CFAP61: variants seen among roughly 807,000 people sequenced by gnomAD.
The protein encoded by CFAP61 is cilia and flagella associated protein 61, also known as cilia- and flagella-associated protein 61.
Under a neutral mutation model 135.6 loss-of-function variants are expected in CFAP61, and 107 were observed. The observed-to-expected ratio is 0.79, with a 90% confidence interval of 0.67 to 0.93. The LOEUF is 0.93. Ranked by LOEUF, CFAP61 falls within the 40% of genes least tolerant of loss-of-function variation. The probability of loss-of-function intolerance (pLI) is 0.00; values close to 1 mark genes in which losing one functional copy is unlikely to be tolerated. For synonymous variants in CFAP61, 575 were observed against 578.5 expected, an observed-to-expected ratio of 0.99 and a Z score of 0.09; for missense variants, 1,507 against 1,556.2, an observed-to-expected ratio of 0.97 and a Z score of 0.53.
At chr20:20,207,379 AGGG>A (rs1483904971) in intron 17 of CFAP61, among the ~76,000 whole-genome samples, 1 of 152,178 alleles carries the variant, frequency 6.6e-6, no homozygotes, top group Non-Finnish European at 1.5e-5. Flanking sequence ...ACAACCCAGT[AGGG>A]GGAAAAAAAA....
chr20:20,320,073 T>G (rs548025369), intron 25 of CFAP61, among the ~76,000 whole-genome samples: 4 of 151,478 alleles, frequency 2.6e-5, no homozygotes, highest in Admixed American at 2.6e-4. Flanking sequence ...AGTGGGAAAC[T>G]ATGTGACAAA....
intron 25 of CFAP61, among the ~76,000 whole-genome samples, chr20:20,315,691 A>G (rs1207920889): frequency 6.6e-6 from 1 of 152,136 alleles, no homozygotes; most frequent in Non-Finnish European, 1.5e-5. Context: ...TAAGTCTTTA[A>G]TCCATCTTGA....
chr20:20,355,225 C>T (rs2122467245), intron 26 of CFAP61, among the ~76,000 whole-genome samples: 2 of 134,872 alleles, frequency 1.5e-5, no homozygotes, highest in African/African-American at 5.8e-5. Context: ...GAGGTGATCA[C>T]ACTAAGGGGA....
At chr20:20,332,831 G>T (rs2058051829) in intron 25 of CFAP61, among the ~76,000 whole-genome samples, 1 of 152,056 alleles carries the variant, frequency 6.6e-6, no homozygotes, top group Non-Finnish European at 1.5e-5. Flanking sequence ...ATGTTGCCCA[G>T]ACTGGTCTCA....
chr20:20,283,837 T>C (rs2054375301), intron 22 of CFAP61, among the ~76,000 whole-genome samples: 1 of 152,236 alleles, frequency 6.6e-6, no homozygotes, highest in Non-Finnish European at 1.5e-5. Context: ...ATCTTACTCA[T>C]GTCAAATTCC....
chr20:20,180,259 G>A (rs2054954817), intron 13 of CFAP61, among the ~76,000 whole-genome samples: 1 of 151,934 alleles, frequency 6.6e-6, no homozygotes, highest in Non-Finnish European at 1.5e-5. Context: ...AACCCGCAAG[G>A]TGGAGCTTGC....
At chr20:20,224,369 A>G (rs1198056482) in intron 17 of CFAP61, among the ~76,000 whole-genome samples, 3 of 152,160 alleles carry the variant, frequency 2.0e-5, no homozygotes, top group African/African-American at 7.2e-5. Context: ...GCAACCCCCA[A>G]GCTCAACTCT....
chr20:20,268,365 G>A (rs2052973323), intron 21 of CFAP61, among the ~76,000 whole-genome samples: 1 of 152,156 alleles, frequency 6.6e-6, no homozygotes, highest in African/African-American at 2.4e-5. Flanking sequence ...CTAGAACAGT[G>A]GATATTGGGC....
chr20:20,145,200 G>C (rs1368010223), intron 9 of CFAP61, among the ~76,000 whole-genome samples: 1 of 152,064 alleles, frequency 6.6e-6, no homozygotes, highest in Non-Finnish European at 1.5e-5. Flanking sequence ...ATAGCGCCGG[G>C]TTTATAACAT....
chr20:20,172,317 A>C (rs950581035), intron 13 of CFAP61: 1 of 895,034 alleles, frequency 1.1e-6, no homozygotes, highest in African/African-American at 3.1e-5. Context: ...GTTTTAATTA[A>C]TAAACTTTTT....
At position 20,298,392 on chromosome 20, in the gene CFAP61, T is replaced by A; in HGVS notation, c.3422+6T>A. 6.2e-7 allele frequency: 1 copy of A among 1,610,214 alleles called. No individual in the cohort carries two copies. Among genetic ancestry groups the A allele is most frequent in the African/African-American group, 1.3e-5 (1 of 74,962 alleles). ...CTGATCACAGATCTCTATAGGTGAG[T>A]TGGACATTGCATTTGACTACAGGGA... is the stretch of plus-strand genomic sequence containing the variant. On this transcript the variant is annotated splice_donor_region_variant and intron_variant, in intron 25 of 26. Transcript: ENST00000245957.
At chr20:20,274,396 C>T (rs1035488247) in intron 21 of CFAP61, among the ~76,000 whole-genome samples, 1 of 152,302 alleles carries the variant, frequency 6.6e-6, no homozygotes, top group South Asian at 2.1e-4. Flanking sequence ...TGCAGAGGCT[C>T]ACGTCTATAA....
intron 25 of CFAP61, among the ~76,000 whole-genome samples, chr20:20,300,489 GT>G (rs1245763457): frequency 6.6e-6 from 1 of 152,114 alleles, no homozygotes; most frequent in Non-Finnish European, 1.5e-5. Context: ...TTGTGCCTCG[GT>G]TTGTAACAGA....
At chr20:20,199,523 T>G (rs2056490870) in intron 16 of CFAP61, among the ~76,000 whole-genome samples, 1 of 152,188 alleles carries the variant, frequency 6.6e-6, no homozygotes. Context: ...ACCAAACCAC[T>G]TGTTTATCTG....
At chr20:20,063,489 A>G (rs912420266) in intron 2 of CFAP61, among the ~76,000 whole-genome samples, 4 of 152,238 alleles carry the variant, frequency 2.6e-5, no homozygotes, top group African/African-American at 9.6e-5. Flanking sequence ...CAAATTAACA[A>G]AGGAGAAAAT....
intron 8 of CFAP61, among the ~76,000 whole-genome samples, chr20:20,121,322 T>C (rs1453710378): frequency 2.0e-5 from 3 of 151,836 alleles, no homozygotes; most frequent in Non-Finnish European, 4.4e-5. Flanking sequence ...TTGTCCAGGC[T>C]GGTCTTGAGC....
intron 23 of CFAP61, among the ~76,000 whole-genome samples, chr20:20,289,381 G>C (rs552449698): frequency 6.6e-6 from 1 of 152,162 alleles, no homozygotes; most frequent in Admixed American, 6.5e-5. Flanking sequence ...CAGCTGTAAA[G>C]CAGTGCACTT....
intron 25 of CFAP61, among the ~76,000 whole-genome samples, chr20:20,325,845 C>A (rs901792377): frequency 6.6e-6 from 1 of 152,174 alleles, no homozygotes; most frequent in African/African-American, 2.4e-5. Flanking sequence ...TGAATGAGAG[C>A]TCCTGTTGTT....
chr20:20,324,246 TA>T (rs996415283), intron 25 of CFAP61, among the ~76,000 whole-genome samples: 4 of 151,524 alleles, frequency 2.6e-5, no homozygotes, highest in Admixed American at 6.6e-5. Flanking sequence ...ACATGGCTGT[TA>T]AAAAAAAATT....
Sources: gnomAD v4.1 joint callset for allele counts (sites outside exome capture counted in the v4.1 genomes callset) on GRCh38, gnomAD v4.1.1 for gene constraint, MANE v1.5 for transcripts, NCBI Gene and HGNC (gene_info 2026-07-23, HGNC 2026-07-21) for gene names.